CFAP61: variants seen among roughly 807,000 people sequenced by gnomAD.
CFAP61 encodes the protein cilia and flagella associated protein 61.
In CFAP61, 107 loss-of-function variants were observed where a neutral mutation model predicts 135.6. That is an observed-to-expected ratio of 0.79 (90% CI 0.67 to 0.93). CFAP61 has a LOEUF of 0.93. Among genes scored for constraint, CFAP61 ranks in the 40% least tolerant of loss-of-function variants. The pLI is 0.00. For missense variants in CFAP61, 1,507 were observed against 1,556.2 expected (o/e 0.97, Z 0.53); for synonymous variants, 575 against 578.5 (o/e 0.99, Z 0.09).
At chr20:20,200,904 A>G (rs1242334807) in intron 17 of CFAP61, 17 of 985,118 alleles carry the variant, frequency 1.7e-5, no homozygotes, top group Non-Finnish European at 2.0e-5. Flanking sequence ...GCACTGAGGG[A>G]TGGGGAGGGC....
intron 2 of CFAP61, among the ~76,000 whole-genome samples, chr20:20,064,039 C>T (rs2045043426): frequency 8.0e-6 from 1 of 125,098 alleles, no homozygotes; most frequent in African/African-American, 2.8e-5. Context: ...GTAACCGCCC[C>T]CCACCCCGCC....
chr20:20,111,653 C>T (rs1424021915), intron 8 of CFAP61, among the ~76,000 whole-genome samples: 1 of 152,114 alleles, frequency 6.6e-6, no homozygotes, highest in Non-Finnish European at 1.5e-5. Flanking sequence ...AAAATGGGGA[C>T]ACTCAATAAG....
rs1326803863 is a variant in CFAP61, at chr20:20,055,688, T to C, written c.-36-930T>C. Among the ~76,000 whole-genome samples, 3 of 152,262 alleles carry C rather than the reference T, an allele frequency of 2.0e-5. No homozygotes were observed. The East Asian group carries it at 5.8e-4, about 29-fold the overall frequency. On this transcript the variant is annotated intron_variant, in intron 1 of 26. Coordinates refer to ENST00000245957, the MANE Select transcript of CFAP61 (RefSeq NM_015585.4). ...ATACTTGTAGCATTAGTTTATGATA[T>C]GTTTCACAAACAAGATGTCTCATTC...
chr20:20,098,516 G>A, intron 7 of CFAP61, 139 bp from the exon 8 acceptor site: 1 of 688,172 alleles, frequency 1.5e-6, no homozygotes, highest in Non-Finnish European at 2.3e-6. Context: ...AGGCTGGGGA[G>A]AAGAATTGCT....
At chr20:20,259,025 T>G (rs932948326) in intron 20 of CFAP61, among the ~76,000 whole-genome samples, 1 of 152,192 alleles carries the variant, frequency 6.6e-6, no homozygotes, top group African/African-American at 2.4e-5. Flanking sequence ...TGCTTCCCTT[T>G]ATCTCTCATT....
At chr20:20,246,617 CA>C (rs1247119357) in intron 19 of CFAP61, among the ~76,000 whole-genome samples, 2 of 152,218 alleles carry the variant, frequency 1.3e-5, no homozygotes, top group Non-Finnish European at 2.9e-5. Context: ...GCTGATCAGG[CA>C]AAGAACTTCC....
intron 10 of CFAP61, among the ~76,000 whole-genome samples, chr20:20,161,936 C>T (rs988256664): frequency 2.0e-5 from 3 of 152,178 alleles, no homozygotes; most frequent in Non-Finnish European, 4.4e-5. Context: ...TTACACATTA[C>T]CCCAAACTTG....
At chr20:20,142,562 TG>T (rs1348916574) in intron 8 of CFAP61, among the ~76,000 whole-genome samples, 1 of 152,174 alleles carries the variant, frequency 6.6e-6, no homozygotes, top group African/African-American at 2.4e-5. Context: ...GGCCCAGGCC[TG>T]GGCCAGGTCC....
intron 19 of CFAP61, among the ~76,000 whole-genome samples, chr20:20,248,997 T>A (rs943906613): frequency 6.6e-6 from 1 of 152,230 alleles, no homozygotes; most frequent in Non-Finnish European, 1.5e-5. Flanking sequence ...AACAGGAAGT[T>A]TCACTGATGT....
At chr20:20,256,238 G>A (rs971206403) in intron 20 of CFAP61, among the ~76,000 whole-genome samples, 16 of 152,206 alleles carry the variant, frequency 1.1e-4, no homozygotes, top group African/African-American at 3.9e-4. Flanking sequence ...ATCATGGAAA[G>A]TTAAGAAAGT....
chr20:20,357,199 GA>G (rs1253222053), intron 26 of CFAP61, among the ~76,000 whole-genome samples: 9 of 69,804 alleles, frequency 1.3e-4, no homozygotes, highest in South Asian at 5.9e-4. Context: ...TACTGTGAGT[GA>G]GGAGGTAGTC....
chr20:20,078,159 C>T lies in CFAP61; in HGVS notation c.566+2544C>T, dbSNP rs1325566401. Among the ~76,000 whole-genome samples the T allele has an allele frequency of 1.3e-5, 2 of 152,210 alleles. 1 individual carries two copies. Among genetic ancestry groups the T allele is most frequent in the African/African-American group, 4.8e-5 (2 of 41,456 alleles). On this transcript the variant is annotated intron_variant, in intron 6 of 26. Transcript: ENST00000245957. Reference sequence around the variant, plus strand: ...TTAAGATCTCTGTTTTCATGTTAATCCTGGTCAAATGTTCCTAAATTCCAA... The same window carrying T: ...TTAAGATCTCTGTTTTCATGTTAATTCTGGTCAAATGTTCCTAAATTCCAA...
At chr20:20,219,672 T>C (rs953095065) in intron 17 of CFAP61, among the ~76,000 whole-genome samples, 9 of 152,184 alleles carry the variant, frequency 5.9e-5, no homozygotes, top group African/African-American at 1.7e-4. Context: ...CAATATAAAT[T>C]TTTTTCATTT....
At chr20:20,310,754 A>T (rs1488317501) in intron 25 of CFAP61, among the ~76,000 whole-genome samples, 1 of 152,166 alleles carries the variant, frequency 6.6e-6, no homozygotes, top group African/African-American at 2.4e-5. Context: ...CTCTGGCAAA[A>T]TCCACACCAG....
chr20:20,161,428 G>A (rs2053397271), intron 10 of CFAP61, among the ~76,000 whole-genome samples: 1 of 152,212 alleles, frequency 6.6e-6, no homozygotes, highest in Non-Finnish European at 1.5e-5. Context: ...AGGTGAGATG[G>A]AGAGGAGATA....
intron 18 of CFAP61, chr20:20,228,665 G>A (rs2048912999): frequency 3.9e-6 from 1 of 254,248 alleles, no homozygotes; most frequent in South Asian, 9.1e-5. Context: ...TACAATAGCA[G>A]ATTAGATGGC....
intron 20 of CFAP61, 62 bp downstream of exon 20, chr20:20,251,825 A>T: frequency 6.6e-7 from 1 of 1,521,140 alleles, no homozygotes; most frequent in Non-Finnish European, 9.0e-7. Flanking sequence ...AGCCATTCAT[A>T]TGTTTACTGG....
At chr20:20,335,078 C>T (rs1046245029) in intron 25 of CFAP61, among the ~76,000 whole-genome samples, 1 of 152,170 alleles carries the variant, frequency 6.6e-6, no homozygotes, top group African/African-American at 2.4e-5. Context: ...CTGTTCTCTG[C>T]AGTTAAGCCA....
intron 19 of CFAP61, 67 bp downstream of exon 19, chr20:20,246,282 T>C (rs2050451411): frequency 1.0e-6 from 1 of 965,760 alleles, no homozygotes; most frequent in African/African-American, 1.6e-5. Flanking sequence ...GTCTATTTAA[T>C]GCTAAATAGT....
Sources: gnomAD v4.1 joint callset for allele counts (sites outside exome capture counted in the v4.1 genomes callset) on GRCh38, gnomAD v4.1.1 for gene constraint, MANE v1.5 for transcripts, NCBI Gene and HGNC (gene_info 2026-07-23, HGNC 2026-07-21) for gene names.